Variants in JMJD1C observed in about 807,000 individuals in gnomAD.
JMJD1C encodes the protein jumonji domain containing 1C.
A neutral mutation model predicts 245.3 loss-of-function variants in JMJD1C; 31 were observed. That is an observed-to-expected ratio of 0.13 (90% confidence interval 0.09 to 0.17). The LOEUF is 0.17. JMJD1C is among the 10% of genes least tolerant of loss of function. The pLI, the probability that JMJD1C is intolerant of heterozygous loss-of-function variation, is 1.00. For synonymous variants in JMJD1C, 1,057 were observed against 1,017.4 expected, an observed-to-expected ratio of 1.04 and a Z score of -0.74; for missense variants, 2,691 against 3,000.2, an observed-to-expected ratio of 0.90 and a Z score of 2.41.
chr10:63,334,364 A>G (rs1391213294), intron 2 of JMJD1C, among the ~76,000 whole-genome samples: 1 of 152,216 alleles, frequency 6.6e-6, no homozygotes, highest in African/African-American at 2.4e-5. Flanking sequence ...TTAAAATACT[A>G]ATGAACACAG....
At chr10:63,373,396 A>C (rs2393967) in intron 2 of JMJD1C, among the ~76,000 whole-genome samples, 35,255 of 152,194 alleles carry the variant, frequency 0.23, 5,072 homozygotes, top group Non-Finnish European at 0.32. Flanking sequence ...AATTATGTTA[A>C]GTTTTAAAAA....
At chr10:63,511,498 T>C (rs1954870798) in intron 1 of JMJD1C, among the ~76,000 whole-genome samples, 1 of 152,098 alleles carries the variant, frequency 6.6e-6, no homozygotes, top group Non-Finnish European at 1.5e-5. Context: ...GATCACGAGG[T>C]CAGGAGTTTG....
intron 2 of JMJD1C, among the ~76,000 whole-genome samples, chr10:63,283,164 C>A (rs1396862217): frequency 1.3e-5 from 2 of 152,226 alleles, no homozygotes; most frequent in Non-Finnish European, 2.9e-5. Flanking sequence ...CCTGTGGAGA[C>A]AGGAAAATTT....
chr10:63,408,271 C>T (rs961366290), intron 1 of JMJD1C, among the ~76,000 whole-genome samples: 1 of 151,874 alleles, frequency 6.6e-6, no homozygotes, highest in Non-Finnish European at 1.5e-5. Context: ...GGCGTGGAGG[C>T]GGGCGCCTGT....
chr10:63,270,190 G>A (rs893617450), intron 2 of JMJD1C, among the ~76,000 whole-genome samples: 7 of 152,054 alleles, frequency 4.6e-5, no homozygotes, highest in Admixed American at 1.3e-4. Flanking sequence ...TTTGGAGGAC[G>A]TAGTCTTGCT....
chr10:63,220,052 C>T (rs1160758891), intron 3 of JMJD1C, 69 bp from the exon 4 acceptor site: 1 of 1,137,242 alleles, frequency 8.8e-7, no homozygotes, highest in African/African-American at 1.5e-5. Flanking sequence ...GACTTTCCCT[C>T]CTATACGTTC....
At position 63,427,401 on chromosome 10, in the gene JMJD1C, G is replaced by T. The variant is rs186632559; in HGVS notation, c.168+38094C>A. 2,927 of 1,100,114 alleles carry T rather than the reference G, an allele frequency of 2.7e-3. 10 individuals are homozygous for T. The highest frequency in any genetic ancestry group is 2.8e-3 in the Non-Finnish European group (2,057 of 747,524). The allele number at this position is 1,100,114 out of a possible 1,614,324, so 68.1% of individuals were successfully genotyped here. ...CAAATCCCTATAGCAAACATGTCTT[G>T]ACGGAAGACACAGTACACCGGGAGG... On this transcript the variant is annotated intron_variant, in intron 1 of 25. Coordinates refer to ENST00000399262, the MANE Select transcript of JMJD1C (RefSeq NM_032776.3).
At chr10:63,276,373 G>C (rs1242888646) in intron 2 of JMJD1C, among the ~76,000 whole-genome samples, 1 of 151,416 alleles carries the variant, frequency 6.6e-6, no homozygotes. Context: ...GGCTGAAGCA[G>C]GAGAATGGCG....
chr10:63,236,595 A>G (rs921149057), intron 3 of JMJD1C, among the ~76,000 whole-genome samples: 2 of 152,154 alleles, frequency 1.3e-5, no homozygotes, highest in African/African-American at 2.4e-5. Flanking sequence ...TCTGCCAACC[A>G]CAATTTACTA....
At chr10:63,465,245 A>T (rs1024182484) in intron 1 of JMJD1C, 1 of 432,460 alleles carries the variant, frequency 2.3e-6, no homozygotes, top group African/African-American at 2.1e-5. Flanking sequence ...CCCCTCCGGG[A>T]TGGGGGCCAG....
intron 1 of JMJD1C, among the ~76,000 whole-genome samples, chr10:63,424,352 C>CCACTG (rs1391349171): frequency 6.6e-6 from 1 of 151,944 alleles, no homozygotes; most frequent in African/African-American, 2.4e-5. Context: ...CAGGCATGAG[C>CCACTG]CACTGCACAT....
intron 8 of JMJD1C, 28 bp downstream of exon 8, chr10:63,213,445 C>T: frequency 7.6e-7 from 1 of 1,315,410 alleles, no homozygotes; most frequent in Non-Finnish European, 1.1e-6. Flanking sequence ...ATATATACTG[C>T]TATGTGGCAA....
At chr10:63,382,244 T>G (rs904153185) in intron 1 of JMJD1C, among the ~76,000 whole-genome samples, 1 of 152,142 alleles carries the variant, frequency 6.6e-6, no homozygotes, top group African/African-American at 2.4e-5. Flanking sequence ...AGTAAATACT[T>G]CATATTTTGC....
chr10:63,498,584 T>C (rs1196776226), intron 1 of JMJD1C, among the ~76,000 whole-genome samples: 2 of 151,806 alleles, frequency 1.3e-5, no homozygotes, highest in African/African-American at 4.8e-5. Context: ...GAGGTAAAAG[T>C]GTGGGGCCCC....
In JMJD1C at chr10:63,419,259, C is replaced by G. The variant is rs192938351; in HGVS notation, c.169-38777G>C. On this transcript the variant is annotated intron_variant, in intron 1 of 25. Coordinates refer to ENST00000399262, the MANE Select transcript of JMJD1C (RefSeq NM_032776.3). ...AAAATTAGCTGGGCATGGTGGCAGGCGCCTGTAATTCCAGCTACTCGAGAG... is the reference window on the plus strand; with the variant it reads ...AAAATTAGCTGGGCATGGTGGCAGGGGCCTGTAATTCCAGCTACTCGAGAG... Among the ~76,000 whole-genome samples, 484 of 151,702 alleles carry G rather than the reference C, an allele frequency of 3.2e-3. 2 individuals are homozygous for G. Among genetic ancestry groups the G allele is most frequent in the African/African-American group, 0.011 (469 of 41,342 alleles).
At chr10:63,446,697 T>TG (rs1951738835) in intron 1 of JMJD1C, among the ~76,000 whole-genome samples, 1 of 152,206 alleles carries the variant, frequency 6.6e-6, no homozygotes, top group South Asian at 2.1e-4. Flanking sequence ...TGATTAACCA[T>TG]ATTAAATGCT....
intron 3 of JMJD1C, among the ~76,000 whole-genome samples, chr10:63,238,315 AT>A (rs903274354): frequency 1.8e-4 from 27 of 149,036 alleles, no homozygotes; most frequent in South Asian, 8.4e-4. Flanking sequence ...GCCTTTCAGC[AT>A]TTTTTTTTTA....
In JMJD1C at chr10:63,484,236, G is replaced by GGATGGATGGATGGATGGATGGATA. The variant is rs1416097314; in HGVS notation, n.113+37501_113+37502insTATCCATCCATCCATCCATCCATC. Among the ~76,000 whole-genome samples, 115 of 92,734 alleles carry GGATGGATGGATGGATGGATGGATA rather than the reference G, an allele frequency of 1.2e-3. 1 individual carries two copies. Among genetic ancestry groups the GGATGGATGGATGGATGGATGGATA allele is most frequent in the African/African-American group, 3.4e-3 (110 of 32,022 alleles). The allele number at this position is 92,734 out of a possible 152,430, so 60.8% of individuals were successfully genotyped here. A position where few individuals can be genotyped will look rare whatever the true frequency, so the allele number is the denominator to read the frequency against. Reference sequence around the variant, plus strand: ...TGGATGGATGGATGGATGGATGGATGGATAGATAGATAGATAGATAGATAG... The same window carrying GGATGGATGGATGGATGGATGGATA: ...TGGATGGATGGATGGATGGATGGATGGATGGATGGATGGATGGATGGATAGATAGATAGATAGATAGATAGATAG... On this transcript the variant is annotated intron_variant and non_coding_transcript_variant, in intron 1 of 3. Coordinates refer to the JMJD1C transcript ENST00000633035.
At chr10:63,252,062 C>T (rs538315610) in intron 3 of JMJD1C, among the ~76,000 whole-genome samples, 2 of 152,202 alleles carry the variant, frequency 1.3e-5, no homozygotes, top group Non-Finnish European at 2.9e-5. Context: ...TTAATCTATA[C>T]CTATCCCAAT....
Sources: allele counts gnomAD v4.1 joint callset (sites outside exome capture counted in the v4.1 genomes callset), GRCh38; gene constraint gnomAD v4.1.1; transcripts MANE v1.5; gene names NCBI Gene and HGNC (gene_info 2026-07-23, HGNC 2026-07-21).